The following TBC1D19 variants were observed in gnomAD, a reference collection of about 807,000 sequenced individuals.
The protein encoded by TBC1D19 is TBC1 domain family, member 19.
TBC1D19 carries 60 observed loss-of-function variants against 89.0 expected under a neutral mutation model. The observed-to-expected ratio is 0.67, with a 90% CI of 0.55 to 0.84. The LOEUF is 0.84. TBC1D19 is among the 40% of genes least tolerant of loss of function. The pLI, the probability that TBC1D19 is intolerant of heterozygous loss-of-function variation, is 0.00. For synonymous variants in TBC1D19, 189 were observed against 199.7 expected (o/e 0.95, Z 0.45); for missense variants, 500 against 610.8 (o/e 0.82, Z 1.91).
chr4:26,588,182 C>T (rs375606415), intron 1 of TBC1D19, among the ~76,000 whole-genome samples: 123 of 152,020 alleles, frequency 8.1e-4, no homozygotes, highest in East Asian at 4.3e-3. Flanking sequence ...CCTGCCACCA[C>T]GCCCAGATGA....
chr4:26,648,138 A>G (rs1435114664), intron 7 of TBC1D19, among the ~76,000 whole-genome samples: 1 of 151,508 alleles, frequency 6.6e-6, no homozygotes, highest in Non-Finnish European at 1.5e-5. Flanking sequence ...CTGCAAACAC[A>G]AAGAGATCCA....
the TBC1D19 span, among the ~76,000 whole-genome samples, chr4:26,837,506 G>C: frequency 6.6e-6 from 1 of 152,198 alleles, no homozygotes. Flanking sequence ...AATGAAAGTG[G>C]CTTGAAAGCT....
At chr4:26,614,478 A>G (rs202104247) in intron 3 of TBC1D19, 25 bp downstream of exon 3, 1 of 1,561,120 alleles carries the variant, frequency 6.4e-7, no homozygotes, top group Non-Finnish European at 8.7e-7. Context: ...CTATTTTACA[A>G]TAGTATTTTG....
the TBC1D19 span, among the ~76,000 whole-genome samples, chr4:26,797,770 A>G: frequency 6.6e-6 from 1 of 151,456 alleles, no homozygotes; most frequent in Non-Finnish European, 1.5e-5. Flanking sequence ...TCCTTAACAA[A>G]GTCAACAAAA....
intron 1 of TBC1D19, among the ~76,000 whole-genome samples, chr4:26,590,758 T>C (rs963471016): frequency 2.0e-5 from 3 of 148,606 alleles, no homozygotes; most frequent in Admixed American, 6.9e-5. Flanking sequence ...CTAAAGTTCA[T>C]GGTTTACATT....
intron 15 of TBC1D19, among the ~76,000 whole-genome samples, chr4:26,724,169 A>G (rs1372622152): frequency 6.6e-6 from 1 of 152,238 alleles, no homozygotes; most frequent in Non-Finnish European, 1.5e-5. Flanking sequence ...AATAGTGAGC[A>G]AAGCATTGAC....
upstream of TBC1D19, among the ~76,000 whole-genome samples, chr4:26,582,948 C>T (rs570036429): frequency 5.9e-5 from 9 of 152,246 alleles, no homozygotes; most frequent in Admixed American, 1.3e-4. Context: ...TTTGGACCAT[C>T]GGCATCATAA....
At chr4:26,749,551 A>G (rs1718838969) in intron 19 of TBC1D19, among the ~76,000 whole-genome samples, 1 of 150,370 alleles carries the variant, frequency 6.7e-6, no homozygotes, top group Non-Finnish European at 1.5e-5. Flanking sequence ...GGTTAAAGAG[A>G]GTCTCCTTCC....
chr4:26,643,186 T>A (rs1743666998), intron 7 of TBC1D19, among the ~76,000 whole-genome samples: 1 of 152,194 alleles, frequency 6.6e-6, no homozygotes, highest in African/African-American at 2.4e-5. Flanking sequence ...AGTAAAGCAC[T>A]CCTCAGCAAA....
intron 13 of TBC1D19, among the ~76,000 whole-genome samples, chr4:26,696,534 C>A (rs1014487760): frequency 4.6e-5 from 7 of 152,230 alleles, no homozygotes; most frequent in African/African-American, 1.7e-4. Context: ...GAACTCTCCA[C>A]CCCAACTCAA....
At chr4:26,696,716 G>A (rs951950521) in intron 13 of TBC1D19, among the ~76,000 whole-genome samples, 5 of 152,168 alleles carry the variant, frequency 3.3e-5, no homozygotes, top group African/African-American at 1.2e-4. Flanking sequence ...ACTCAGAACA[G>A]CTCAACTACA....
rs564087599 is a variant in TBC1D19 at position 26,577,237 on chromosome 4, C to T, written c.6+440C>T. On this transcript the variant is annotated intron_variant, in intron 1 of 12. Transcript: ENST00000512840. ...CTTTATAGACTTTGGACTTGCTAGC[C>T]TCCCCAGTCACATGAGCCAAATCCT... 1.8e-4 allele frequency among the ~76,000 whole-genome samples: 27 copies of T among 152,124 alleles called. No individual in the cohort carries two copies. In the South Asian group the frequency reaches 5.4e-3, roughly 30 times the overall value.
intron 18 of TBC1D19, among the ~76,000 whole-genome samples, chr4:26,747,570 G>A (rs1430246222): frequency 6.6e-6 from 1 of 152,162 alleles, no homozygotes; most frequent in Non-Finnish European, 1.5e-5. Flanking sequence ...TAGCACAGAT[G>A]TTTATTGACA....
At chr4:26,622,640 T>A (rs919716032) in intron 4 of TBC1D19, among the ~76,000 whole-genome samples, 2 of 152,182 alleles carry the variant, frequency 1.3e-5, no homozygotes, top group African/African-American at 4.8e-5. Flanking sequence ...TTTTTACATT[T>A]TTAAGTGGTT....
At chr4:26,582,236 T>G (rs1384813308), upstream of TBC1D19, among the ~76,000 whole-genome samples, 1 of 152,136 alleles carries the variant, frequency 6.6e-6, no homozygotes, top group Non-Finnish European at 1.5e-5. Context: ...AGTCTAATAC[T>G]TGGTACATTT....
chr4:26,703,069 A>G lies in TBC1D19; in HGVS notation c.954+14662A>G, dbSNP rs1715458147. 2.0e-5 allele frequency among the ~76,000 whole-genome samples: 3 copies of G among 152,152 alleles called. No individual in the cohort carries two copies. The South Asian group carries it at 6.2e-4, about 32-fold the overall frequency. ...ACTGAATAATATTCCATTGTATTGTATATACTACATTTTCTTTATCCTTTC... is the reference window on the plus strand; with the variant it reads ...ACTGAATAATATTCCATTGTATTGTGTATACTACATTTTCTTTATCCTTTC... On this transcript the variant is annotated intron_variant, in intron 13 of 20. Coordinates refer to ENST00000264866, the MANE Select transcript of TBC1D19 (RefSeq NM_018317.4).
intron 19 of TBC1D19, among the ~76,000 whole-genome samples, chr4:26,753,204 T>C (rs1206402515): frequency 6.6e-6 from 1 of 152,216 alleles, no homozygotes; most frequent in African/African-American, 2.4e-5. Flanking sequence ...TAAAGCCATG[T>C]TTCTATCAGG....
In TBC1D19 at chr4:26,681,264, C is replaced by T. The variant is rs556593800; in HGVS notation, c.817-2411C>T. Among the ~76,000 whole-genome samples, 276 of 151,964 alleles carry T rather than the reference C, an allele frequency of 1.8e-3. 1 individual carries two copies. The highest frequency in any genetic ancestry group is 6.3e-3 in the African/African-American group (261 of 41,432). On this transcript the variant is annotated intron_variant, in intron 11 of 20. Transcript: ENST00000264866. Reference sequence around the variant, plus strand: ...TAAGATACATAGAGCCTTGGCCGGGCGTGGTGGCTCACACCTGTAATCCCA... The same window carrying T: ...TAAGATACATAGAGCCTTGGCCGGGTGTGGTGGCTCACACCTGTAATCCCA...
At chr4:26,855,923 G>C in the TBC1D19 span, among the ~76,000 whole-genome samples, 1 of 152,134 alleles carries the variant, frequency 6.6e-6, no homozygotes, top group Non-Finnish European at 1.5e-5. Flanking sequence ...GTACATTGTA[G>C]AACAATTCAA....
Sources: gnomAD v4.1 joint callset for allele counts (sites outside exome capture counted in the v4.1 genomes callset) on GRCh38, gnomAD v4.1.1 for gene constraint, MANE v1.5 for transcripts, NCBI Gene and HGNC (gene_info 2026-07-23, HGNC 2026-07-21) for gene names.